The following TULP4 variants were observed in gnomAD, a reference collection of about 807,000 sequenced individuals.
TULP4 encodes tubby-related protein 4.
A neutral mutation model predicts 129.0 loss-of-function variants in TULP4; 16 were observed. The ratio of observed to expected loss-of-function variants is 0.12; its 90% CI spans 0.08 to 0.19. The LOEUF (loss-of-function observed/expected upper bound fraction) is 0.19, where lower values mean the gene tolerates loss of function less well. TULP4 is among the 10% of genes least tolerant of loss of function. The pLI is 1.00. For synonymous variants in TULP4, 998 were observed against 854.0 expected, an observed-to-expected ratio of 1.17 and a Z score of -2.94; for missense variants, 1,842 against 2,059.1, an observed-to-expected ratio of 0.89 and a Z score of 2.04.
intron 2 of TULP4, among the ~76,000 whole-genome samples, chr6:158,423,134 GGA>G (rs780873915): frequency 0.047 from 6,874 of 144,968 alleles, 582 homozygotes; most frequent in Non-Finnish European, 0.061. Flanking sequence ...GGGGGGGGGG[GGA>G]AAGAAACCTT....
At chr6:158,234,346 C>G (rs1777649465) in intron 1 of TULP4, among the ~76,000 whole-genome samples, 1 of 148,126 alleles carries the variant, frequency 6.8e-6, no homozygotes. Flanking sequence ...ATGGAAGAGT[C>G]AAGAGACAGC....
Position 158,314,160 on chromosome 6 carries a change from G to T in TULP4, c.144G>T (p.Thr48=), listed in dbSNP as rs370460109. 7 of 1,614,158 alleles carry T rather than the reference G, an allele frequency of 4.3e-6. No homozygotes were observed. The highest frequency in any genetic ancestry group is 5.9e-6 in the Non-Finnish European group (7 of 1,180,044). The change falls in exon 1 of 14, where the codon ACG becomes ACT. Residue 48 remains threonine, a synonymous_variant. Coordinates refer to ENST00000367097, the MANE Select transcript of TULP4 (RefSeq NM_020245.5). ...RRYYEEGWLA[T]GNGRGVVGVT... ...ACTATGAGGAAGGCTGGCTGGCCAC[G>T]GGCAACGGGCGAGGAGTGGTTGGGG... is the stretch of plus-strand genomic sequence containing the variant.
At chr6:158,301,580 C>A (rs1779131619) in intron 1 of TULP4, among the ~76,000 whole-genome samples, 1 of 152,054 alleles carries the variant, frequency 6.6e-6, no homozygotes, top group South Asian at 2.1e-4. Context: ...TTAGGGTGGC[C>A]ATTTGGTCCA....
intron 6 of TULP4, among the ~76,000 whole-genome samples, chr6:158,463,649 A>AATATATAT (rs60561997): frequency 2.9e-5 from 4 of 137,810 alleles, no homozygotes; most frequent in Admixed American, 7.4e-5. Flanking sequence ...GTATAATAAA[A>AATATATAT]ATATATATAT....
chr6:158,427,470 C>CTTTTTTTTTTTTTTTTTTTTTTTTT (rs1251385882), intron 2 of TULP4, among the ~76,000 whole-genome samples: 2 of 100,690 alleles, frequency 2.0e-5, no homozygotes, highest in South Asian at 3.7e-4. Context: ...AATTATCAGA[C>CTTTTTTTTTTTTTTTTTTTTTTTTT]CTTTTTTTTT....
At chr6:158,361,313 A>T (rs1242854742) in intron 1 of TULP4, among the ~76,000 whole-genome samples, 1 of 152,162 alleles carries the variant, frequency 6.6e-6, no homozygotes, top group Non-Finnish European at 1.5e-5. Flanking sequence ...GTACCTCCAG[A>T]CCCACTGATT....
intron 1 of TULP4, among the ~76,000 whole-genome samples, chr6:158,350,180 A>G (rs1355612217): frequency 6.6e-6 from 1 of 151,626 alleles, no homozygotes; most frequent in Admixed American, 6.6e-5. Flanking sequence ...GCGGCCGGGC[A>G]GAGGCTCTCC....
intron 1 of TULP4, among the ~76,000 whole-genome samples, chr6:158,392,704 G>A (rs1219348190): frequency 9.9e-5 from 15 of 152,038 alleles, no homozygotes; most frequent in Admixed American, 4.6e-4. Flanking sequence ...GGACTATGGC[G>A]GCTGAGTGGT....
upstream of TULP4, chr6:158,312,031 C>CTTT (rs11418809): frequency 0.011 from 3,952 of 370,994 alleles, no homozygotes; most frequent in Non-Finnish European, 0.012. Flanking sequence ...AATTTTATAT[C>CTTT]TTTTTTTTTT....
At chr6:158,260,500 C>T (rs1357324855) in intron 1 of TULP4, among the ~76,000 whole-genome samples, 3 of 148,804 alleles carry the variant, frequency 2.0e-5, no homozygotes, top group Non-Finnish European at 4.4e-5. Context: ...GGCATGAACC[C>T]GGGGGGCGGA....
chr6:158,439,101 G>A (rs1006543567), intron 3 of TULP4, among the ~76,000 whole-genome samples: 2 of 151,942 alleles, frequency 1.3e-5, no homozygotes, highest in African/African-American at 2.4e-5. Context: ...AACCCAGGAG[G>A]CGGAAGTTGC....
chr6:158,394,315 A>T (rs563539186), intron 1 of TULP4, among the ~76,000 whole-genome samples: 11 of 152,300 alleles, frequency 7.2e-5, no homozygotes, highest in African/African-American at 1.2e-4. Flanking sequence ...GCAAGTCTCT[A>T]GGAAGTTCCA....
At position 158,474,129 on chromosome 6, in the gene TULP4, G is replaced by A. The variant is rs191557287; in HGVS notation, c.1027-5622G>A. ...AGCCATTGCACCTTGCCCTTCTTCTGTTTTAAAGTGAACTATTTTGCACAT... is the reference window on the plus strand; with the variant it reads ...AGCCATTGCACCTTGCCCTTCTTCTATTTTAAAGTGAACTATTTTGCACAT... On this transcript the variant is annotated intron_variant, in intron 6 of 13. Coordinates refer to ENST00000367097, the MANE Select transcript of TULP4 (RefSeq NM_020245.5). Among the ~76,000 whole-genome samples the A allele has an allele frequency of 6.8e-4, 103 of 152,366 alleles. 1 individual carries two copies. The highest frequency in any genetic ancestry group is 2.2e-3 in the African/African-American group (92 of 41,600).
chr6:158,309,664 G>A (rs1015795460), upstream of TULP4, among the ~76,000 whole-genome samples: 62 of 152,266 alleles, frequency 4.1e-4, no homozygotes, highest in African/African-American at 1.1e-3. Context: ...TGAGGCTGGC[G>A]GATCACTCGC....
At chr6:158,487,355 G>T (rs199621957) in intron 8 of TULP4, among the ~76,000 whole-genome samples, 1 of 151,914 alleles carries the variant, frequency 6.6e-6, no homozygotes, top group South Asian at 2.1e-4. Context: ...CAGGAGAATC[G>T]CTTGAATCCA....
At chr6:158,340,460 G>A (rs1227928089) in intron 1 of TULP4, among the ~76,000 whole-genome samples, 1 of 152,082 alleles carries the variant, frequency 6.6e-6, no homozygotes, top group African/African-American at 2.4e-5. Flanking sequence ...GCGTGTGTGG[G>A]TGTGCATATC....
At chr6:158,505,589 G>A (rs529414883) in intron 13 of TULP4, among the ~76,000 whole-genome samples, 6 of 152,358 alleles carry the variant, frequency 3.9e-5, no homozygotes, top group African/African-American at 1.4e-4. Context: ...ACAGAGCCCC[G>A]CCGCTGTGGA....
At chr6:158,242,468 T>A in intron 1 of TULP4, 1 of 880,672 alleles carries the variant, frequency 1.1e-6, no homozygotes, top group Non-Finnish European at 1.9e-6. Context: ...CCAAACGGTG[T>A]AACACTTATC....
rs1779426115 is a variant in TULP4, at chr6:158,313,960, T to G, written c.-57T>G. On this transcript the variant is annotated 5_prime_UTR_variant, in exon 1 of 14. Coordinates refer to ENST00000367097, the MANE Select transcript of TULP4 (RefSeq NM_020245.5). ...CACATATACCAATGAAAGAAATTGGTTTAAATTTCACAGCATTAACATTAC... is the reference window on the plus strand; with the variant it reads ...CACATATACCAATGAAAGAAATTGGGTTAAATTTCACAGCATTAACATTAC... 6.3e-7 allele frequency: 1 copy of G among 1,575,778 alleles called. No individual in the cohort carries two copies. The highest frequency in any genetic ancestry group is 8.6e-7 in the Non-Finnish European group (1 of 1,160,334).
Sources: allele counts gnomAD v4.1 joint callset (sites outside exome capture counted in the v4.1 genomes callset), GRCh38; gene constraint gnomAD v4.1.1; transcripts MANE v1.5; gene names NCBI Gene and HGNC (gene_info 2026-07-23, HGNC 2026-07-21).